The following DAPP1 variants were observed in gnomAD, a reference collection of about 807,000 sequenced individuals.
DAPP1 encodes the protein dual adaptor of phosphotyrosine and 3-phosphoinositides 1, also known as dual adapter for phosphotyrosine and 3-phosphotyrosine and 3-phosphoinositide.
Under a neutral mutation model 41.5 loss-of-function variants are expected in DAPP1, and 20 were observed. That is an observed-to-expected ratio of 0.48 (90% CI 0.34 to 0.70). The LOEUF (loss-of-function observed/expected upper bound fraction) is 0.70, where lower values mean the gene tolerates loss of function less well. DAPP1 is among the 30% of genes least tolerant of loss of function. DAPP1 has a pLI of 0.01. For missense variants in DAPP1, 233 were observed against 333.4 expected (o/e 0.70, Z 2.35); for synonymous variants, 113 against 116.2 (o/e 0.97, Z 0.18).
intron 3 of DAPP1, 107 bp downstream of exon 3, chr4:99,840,529 A>T (rs1723459867): frequency 7.8e-7 from 1 of 1,286,798 alleles, no homozygotes; most frequent in Non-Finnish European, 1.1e-6. Flanking sequence ...ATATTTCAGC[A>T]TTATCTTGAA....
intron 1 of DAPP1, among the ~76,000 whole-genome samples, chr4:99,826,873 T>G (rs1175059864): frequency 6.6e-6 from 1 of 152,234 alleles, no homozygotes. Flanking sequence ...CCCCTTCCTA[T>G]GCTATAATAT....
chr4:99,855,378 T>C (rs1359468735), intron 4 of DAPP1, among the ~76,000 whole-genome samples: 3 of 152,206 alleles, frequency 2.0e-5, no homozygotes, highest in Non-Finnish European at 4.4e-5. Context: ...ATGCAGATAA[T>C]ACCTAATTTG....
intron 3 of DAPP1, among the ~76,000 whole-genome samples, 194 bp downstream of exon 3, chr4:99,840,616 AT>A (rs5860597): frequency 0.037 from 5,567 of 152,334 alleles, 155 homozygotes; most frequent in Middle Eastern, 0.11. Context: ...AAAGCACACA[AT>A]TTCTTTAAAA....
intron 3 of DAPP1, among the ~76,000 whole-genome samples, chr4:99,841,183 G>A (rs531879728): frequency 1.3e-5 from 2 of 152,308 alleles, no homozygotes; most frequent in South Asian, 4.1e-4. Context: ...AGGAACTCAA[G>A]ACTTAATAAC....
chr4:99,844,368 G>T (rs1723596666), intron 3 of DAPP1: 1 of 152,180 alleles, frequency 6.6e-6, no homozygotes, highest in South Asian at 2.1e-4. Flanking sequence ...ACATATTCAT[G>T]TCTGTGCATG....
intron 4 of DAPP1, among the ~76,000 whole-genome samples, chr4:99,858,449 C>A (rs997043735): frequency 3.9e-5 from 6 of 152,308 alleles, no homozygotes; most frequent in Admixed American, 6.5e-5. Context: ...TCAGATGGAA[C>A]ACAATTGCAA....
At chr4:99,827,532 CA>C (rs1400029314) in intron 1 of DAPP1, among the ~76,000 whole-genome samples, 7 of 118,992 alleles carry the variant, frequency 5.9e-5, no homozygotes, top group African/African-American at 1.1e-4. Context: ...GACTACGTCT[CA>C]AAAAAAAAAC....
chr4:99,829,138 G>C (rs544336804), intron 1 of DAPP1, among the ~76,000 whole-genome samples: 1 of 151,932 alleles, frequency 6.6e-6, no homozygotes, highest in Non-Finnish European at 1.5e-5. Flanking sequence ...TTAAAGAATT[G>C]CATAAAAAAT....
chr4:99,835,016 T>G (rs1057285231), intron 1 of DAPP1, among the ~76,000 whole-genome samples: 3 of 151,880 alleles, frequency 2.0e-5, no homozygotes, highest in Non-Finnish European at 4.4e-5. Context: ...GACCTCATTT[T>G]TTTTTTTTTT....
chr4:99,853,265 C>G lies in DAPP1; in HGVS notation c.406C>G (p.Pro136Ala). 6.2e-7 allele frequency: 1 copy of G among 1,613,874 alleles called. No homozygotes were observed. Among genetic ancestry groups the G allele is most frequent in the Non-Finnish European group, 8.5e-7 (1 of 1,179,856 alleles). ...KHPYPRKVEE[P>A]SIYESVRVHT... ...TCCCTACCCAAGAAAAGTGGAAGAA[C>G]CCTCCATTTATGAATCTGTCCGGGT... Residue 136 changes from proline to alanine, a missense_variant, in exon 4 of 9, where the codon CCC becomes GCC. Transcript: ENST00000512369.
At chr4:99,831,182 G>A (rs1306498369) in intron 1 of DAPP1, among the ~76,000 whole-genome samples, 1 of 152,142 alleles carries the variant, frequency 6.6e-6, no homozygotes, top group African/African-American at 2.4e-5. Context: ...AAACCAAGTG[G>A]TAACATTTGG....
At chr4:99,835,520 A>T in intron 1 of DAPP1, 103 bp from the exon 2 acceptor site, 1 of 1,509,326 alleles carries the variant, frequency 6.6e-7, no homozygotes, top group Admixed American at 2.0e-5. Flanking sequence ...TGGGCTACTT[A>T]TCTTGAAGAA....
chr4:99,822,020 T>C (rs1463799966), intron 1 of DAPP1, among the ~76,000 whole-genome samples: 1 of 152,216 alleles, frequency 6.6e-6, no homozygotes, highest in Non-Finnish European at 1.5e-5. Context: ...ATACAGCTTG[T>C]TCCTCTTCTG....
chr4:99,861,715 A>G, intron 5 of DAPP1, 90 bp downstream of exon 5: 4 of 1,413,388 alleles, frequency 2.8e-6, no homozygotes, highest in Non-Finnish European at 3.9e-6. Flanking sequence ...TTTTTCTTGG[A>G]AGCATAATTG....
intron 1 of DAPP1, among the ~76,000 whole-genome samples, chr4:99,827,005 C>T (rs974834951): frequency 2.9e-4 from 44 of 152,192 alleles, no homozygotes; most frequent in African/African-American, 9.9e-4. Context: ...TTGCCCTTCT[C>T]TTCAAATGCC....
At chr4:99,819,587 A>G (rs909473875) in intron 1 of DAPP1, among the ~76,000 whole-genome samples, 1 of 152,194 alleles carries the variant, frequency 6.6e-6, no homozygotes, top group Non-Finnish European at 1.5e-5. Flanking sequence ...CACTGGCGAG[A>G]TAGAATCTCT....
intron 3 of DAPP1, among the ~76,000 whole-genome samples, chr4:99,840,726 G>A (rs184264949): frequency 2.7e-4 from 41 of 152,254 alleles, no homozygotes; most frequent in African/African-American, 9.1e-4. Context: ...TAGGCAGTTT[G>A]CATATGAGTG....
intron 3 of DAPP1, among the ~76,000 whole-genome samples, 177 bp downstream of exon 3, chr4:99,840,599 T>C (rs3737485): frequency 0.04 from 6,031 of 152,126 alleles, 274 homozygotes; most frequent in East Asian, 0.24. Flanking sequence ...ACTTAATGGA[T>C]TGATTAAAAG....
At chr4:99,847,674 A>G (rs1723710988) in intron 3 of DAPP1, among the ~76,000 whole-genome samples, 1 of 152,118 alleles carries the variant, frequency 6.6e-6, no homozygotes, top group South Asian at 2.1e-4. Context: ...TAAATCTCCC[A>G]GCTGAGTCCT....
Sources: gnomAD v4.1 joint callset for allele counts (sites outside exome capture counted in the v4.1 genomes callset) on GRCh38, gnomAD v4.1.1 for gene constraint, MANE v1.5 for transcripts, NCBI Gene and HGNC (gene_info 2026-07-23, HGNC 2026-07-21) for gene names.